The following CMTR1 variants were observed in gnomAD, a reference collection of about 807,000 sequenced individuals.
The protein encoded by CMTR1 is cap-specific mRNA (nucleoside-2'-O-)-methyltransferase 1.
In CMTR1, 39 loss-of-function variants were observed where a neutral mutation model predicts 107.0. The observed-to-expected ratio is 0.36, with a 90% CI of 0.28 to 0.48. The LOEUF (loss-of-function observed/expected upper bound fraction) is 0.48. CMTR1 is among the 20% of genes least tolerant of loss of function. CMTR1 has a pLI of 0.99. For missense variants in CMTR1, 672 were observed against 1,064.9 expected, an observed-to-expected ratio of 0.63 and a Z score of 5.14; for synonymous variants, 366 against 379.5, an observed-to-expected ratio of 0.96 and a Z score of 0.41.
At chr6:37,461,684 CT>C in intron 11 of CMTR1, 39 bp downstream of exon 11, 1 of 1,319,054 alleles carries the variant, frequency 7.6e-7, no homozygotes. Context: ...CCAGGACCCA[CT>C]TAGAGGCCCT....
At chr6:37,431,341 C>T (rs1178000038), upstream of CMTR1, among the ~76,000 whole-genome samples, 1 of 152,148 alleles carries the variant, frequency 6.6e-6, no homozygotes, top group Non-Finnish European at 1.5e-5. Context: ...TAAGAAGCCT[C>T]AGTGAGGTGG....
intron 15 of CMTR1, 71 bp downstream of exon 15, chr6:37,471,975 A>G (rs781477307): frequency 1.3e-4 from 186 of 1,414,482 alleles, no homozygotes; most frequent in African/African-American, 2.1e-4. Context: ...TTGACTCCCA[A>G]TCCTGTCACC....
chr6:37,462,864 A>G lies in CMTR1; in HGVS notation c.1361A>G (p.Asp454Gly), dbSNP rs573666497. The G allele has an allele frequency of 1.0e-4, 166 of 1,613,364 alleles. 2 individuals are homozygous for G. In the South Asian group the frequency reaches 1.6e-3, roughly 16 times the overall value. The change falls in exon 13 of 24, where the codon GAT (aspartate) becomes GGT (glycine). Residue 454 changes from aspartate (D) to glycine (G), a missense_variant. Physicochemically the swap from Asp to Gly is moderately conservative, Grantham distance 94. Around this residue, in one of 2 missense-constraint regions of CMTR1, gnomAD observed 583 missense variants for 968.4 expected, o/e 0.60. Coordinates refer to ENST00000373451, the MANE Select transcript of CMTR1 (RefSeq NM_015050.3). Reference protein sequence around the residue: ...VVCKGLKVGIDDVRDYLFAVN... With the variant: ...VVCKGLKVGIGDVRDYLFAVN... Reference sequence around the variant, plus strand: ...TGCAAGGGCCTGAAGGTGGGCATAGATGATGTTCGGGATTACCTCTTCGCA... The same window carrying G: ...TGCAAGGGCCTGAAGGTGGGCATAGGTGATGTTCGGGATTACCTCTTCGCA...
chr6:37,437,566 T>C (rs1332729216), intron 2 of CMTR1, among the ~76,000 whole-genome samples: 1 of 150,006 alleles, frequency 6.7e-6, no homozygotes, highest in Non-Finnish European at 1.5e-5. Flanking sequence ...ATTTTATGTG[T>C]GGCCCAAGAC....
chr6:37,449,863 G>T (rs1771894260), intron 4 of CMTR1, among the ~76,000 whole-genome samples: 2 of 152,138 alleles, frequency 1.3e-5, no homozygotes, highest in African/African-American at 4.8e-5. Flanking sequence ...GACCTACATT[G>T]TATGCGATAA....
chr6:37,443,633 C>G (rs1217613177), intron 2 of CMTR1, among the ~76,000 whole-genome samples: 1 of 152,156 alleles, frequency 6.6e-6, no homozygotes, highest in Non-Finnish European at 1.5e-5. Context: ...ACTGGGATTA[C>G]GCGTGAGCCA....
chr6:37,473,660 T>C, intron 17 of CMTR1, 59 bp downstream of exon 17: 1 of 1,575,426 alleles, frequency 6.3e-7, no homozygotes. Context: ...CTTTGCGGAA[T>C]CTGGACAGCT....
intron 13 of CMTR1, among the ~76,000 whole-genome samples, chr6:37,465,478 TTTA>T (rs1761488677): frequency 6.6e-6 from 1 of 152,200 alleles, no homozygotes; most frequent in South Asian, 2.1e-4. Context: ...TGAACCCCTT[TTTA>T]TGTGCTTATT....
intron 3 of CMTR1, among the ~76,000 whole-genome samples, chr6:37,444,394 A>G (rs867704185): frequency 2.0e-5 from 3 of 152,162 alleles, no homozygotes; most frequent in Non-Finnish European, 4.4e-5. Flanking sequence ...ACCTTTTCAT[A>G]TCCATAGTAA....
At chr6:37,433,943 C>T (rs1200956416) in intron 1 of CMTR1, among the ~76,000 whole-genome samples, 1 of 152,100 alleles carries the variant, frequency 6.6e-6, no homozygotes, top group Non-Finnish European at 1.5e-5. Context: ...GAGGAGCATC[C>T]GCCTCTCCTG....
rs892424542 is a variant in CMTR1 at position 37,474,399 on chromosome 6, T to A, written c.1822-125T>A. 20 of 1,124,714 alleles carry A rather than the reference T, an allele frequency of 1.8e-5. No homozygotes were observed. The African/African-American group carries it at 3.1e-4, about 17-fold the overall frequency. The allele number at this position is 1,124,714 out of a possible 1,614,324, so 69.7% of individuals were successfully genotyped here. On this transcript the variant is annotated intron_variant, in intron 17 of 23. Transcript: ENST00000373451. ...TAATGGATTTAATCTCTCATAGACA[T>A]TTTCTTCTGACATTTCCCAGTCCCA...
chr6:37,472,019 C>T lies in CMTR1; in HGVS notation c.1620+115C>T, dbSNP rs1581751565. The T allele has an allele frequency of 7.9e-6, 7 of 881,066 alleles. No individual in the cohort carries two copies. The highest frequency in any genetic ancestry group is 1.2e-5 in the Non-Finnish European group (7 of 571,718). 54.6% of individuals were successfully genotyped at this position (881,066 alleles called of 1,614,324 possible). A position where few individuals can be genotyped will look rare whatever the true frequency, so the allele number is the denominator to read the frequency against. Reference sequence around the variant, plus strand: ...TCTCTGCATCCAAAAATATCTGCTACCCTCACAGCATCCCAGAGGTTGACA... The same window carrying T: ...TCTCTGCATCCAAAAATATCTGCTATCCTCACAGCATCCCAGAGGTTGACA... On this transcript the variant is annotated intron_variant, in intron 15 of 23. Transcript: ENST00000373451. This position sits in a 1 kb window ranked among gnomAD's most constrained non-coding sequence, Gnocchi z 4.1.
At chr6:37,469,813 C>T (rs1761586639) in intron 13 of CMTR1, among the ~76,000 whole-genome samples, 1 of 151,924 alleles carries the variant, frequency 6.6e-6, no homozygotes, top group South Asian at 2.1e-4. Context: ...CAGGTGTGAG[C>T]CACCGCACCT....
At chr6:37,467,710 C>A (rs1208016752) in intron 13 of CMTR1, among the ~76,000 whole-genome samples, 1 of 152,112 alleles carries the variant, frequency 6.6e-6, no homozygotes, top group Non-Finnish European at 1.5e-5. Flanking sequence ...TTATGAAATA[C>A]CCTATTTATT....
chr6:37,456,114 C>A (rs1327183279), intron 8 of CMTR1, among the ~76,000 whole-genome samples: 1 of 152,236 alleles, frequency 6.6e-6, no homozygotes, highest in African/African-American at 2.4e-5. Flanking sequence ...CCGCATCCTT[C>A]TCCCAGTCTT....
At position 37,440,851 on chromosome 6, in the gene CMTR1, T is replaced by G. The variant is rs565696687; in HGVS notation, c.134-3148T>G. ...ACCCTGTGTGCCCAGGAATGTTATT[T>G]GTACTATCTCCGTGCTCATTGTTGG... On this transcript the variant is annotated intron_variant, in intron 2 of 23. Coordinates refer to ENST00000373451, the MANE Select transcript of CMTR1 (RefSeq NM_015050.3). Among the ~76,000 whole-genome samples, 3 of 152,354 alleles carry G rather than the reference T, an allele frequency of 2.0e-5. No individual in the cohort carries two copies. The South Asian group carries it at 6.2e-4, about 32-fold the overall frequency.
intron 4 of CMTR1, among the ~76,000 whole-genome samples, chr6:37,449,866 T>A (rs1220236027): frequency 6.6e-6 from 1 of 152,224 alleles, no homozygotes; most frequent in African/African-American, 2.4e-5. Context: ...CTACATTGTA[T>A]GCGATAACTG....
chr6:37,456,207 A>G (rs1761291361), intron 8 of CMTR1, among the ~76,000 whole-genome samples: 1 of 152,238 alleles, frequency 6.6e-6, no homozygotes, highest in Admixed American at 6.5e-5. Flanking sequence ...GTGTAGGGCT[A>G]AAACTTGTGA....
intron 2 of CMTR1, among the ~76,000 whole-genome samples, chr6:37,442,867 C>T (rs537047477): frequency 6.6e-6 from 1 of 152,334 alleles, no homozygotes; most frequent in East Asian, 1.9e-4. Context: ...TCCTTCAGTA[C>T]TTCTCACAAG....
Sources: allele counts gnomAD v4.1 joint callset (sites outside exome capture counted in the v4.1 genomes callset), GRCh38; gene constraint gnomAD v4.1.1; regional missense constraint gnomAD v4.1.1; non-coding constraint Gnocchi (gnomAD v3.1); transcripts MANE v1.5; gene names NCBI Gene and HGNC (gene_info 2026-07-23, HGNC 2026-07-21).